Variants in DMD observed in about 807,000 individuals in gnomAD.
DMD encodes mutant dystrophin.
A neutral mutation model predicts 330.1 loss-of-function variants in DMD; 63 were observed. The observed-to-expected ratio is 0.19, with a 90% CI of 0.16 to 0.24. DMD has a LOEUF of 0.24. Ranked by LOEUF, DMD falls within the 10% of genes least tolerant of loss-of-function variation. The pLI is 1.00. For missense variants in DMD, 3,344 were observed against 2,684.1 expected, an observed-to-expected ratio of 1.25 and a Z score of -5.43; for synonymous variants, 1,223 against 959.8, an observed-to-expected ratio of 1.27 and a Z score of -5.07.
At chrX:32,508,801 T>A (rs767691955) in intron 18 of DMD, among the ~76,000 whole-genome samples, 1 of 111,052 alleles carries the variant, frequency 9.0e-6, no homozygotes, top group South Asian at 3.8e-4. Context: ...AAAAAGAAAT[T>A]TAGGAAACTT....
At chrX:32,599,130 T>C (rs2055897348) in intron 12 of DMD, among the ~76,000 whole-genome samples, 1 of 112,342 alleles carries the variant, frequency 8.9e-6, no homozygotes, top group Non-Finnish European at 1.9e-5. Flanking sequence ...ACAAAAGCTA[T>C]GGTAAAACAG....
chrX:31,777,474 AT>A (rs199905015), intron 50 of DMD, among the ~76,000 whole-genome samples: 12,472 of 101,586 alleles, frequency 0.12, 560 homozygotes, highest in East Asian at 0.19. Flanking sequence ...TTGCTCTATA[AT>A]TTTTTTTTTT....
Position 31,496,921 on chromosome X carries a change from T to A in DMD, c.8414A>T (p.Asp2805Val). ...NIRSHLEASS[D>V]QWKRLHLSLQ... ...AGAAAGGTGCAGACGCTTCCACTGG[T>A]CAGAACTGGCTTCCAAATGGGACCT... is the stretch of plus-strand genomic sequence containing the variant. The change falls in exon 57 of 79, where the codon GAC becomes GTC. Residue 2805 changes from aspartate to valine, a missense_variant. Physicochemically the swap from Asp to Val is radical, Grantham distance 152 (BLOSUM62 -3). Coordinates refer to ENST00000357033, the MANE Select transcript of DMD (RefSeq NM_004006.3). 1 of 1,209,884 alleles carries A rather than the reference T, an allele frequency of 8.3e-7. No individual in the cohort carries two copies. The highest frequency in any genetic ancestry group is 1.1e-6 in the Non-Finnish European group (1 of 894,464).
At chrX:32,662,402 G>C in intron 9 of DMD, among the ~76,000 whole-genome samples, 1 of 111,764 alleles carries the variant, frequency 8.9e-6, no homozygotes, top group Non-Finnish European at 1.9e-5. Context: ...AAGAGAAATC[G>C]TCACAAGTAT....
intron 2 of DMD, among the ~76,000 whole-genome samples, chrX:33,011,797 T>C (rs2093706594): frequency 8.9e-6 from 1 of 112,081 alleles, no homozygotes; most frequent in African/African-American, 3.2e-5. Context: ...CTAATGTCCA[T>C]GTATGTTGTT....
chrX:32,941,420 A>G (rs1340260294), intron 2 of DMD, among the ~76,000 whole-genome samples: 1 of 112,246 alleles, frequency 8.9e-6, no homozygotes, highest in Non-Finnish European at 1.9e-5. Flanking sequence ...TCATTGGTGG[A>G]CTGGATAAAG....
intron 55 of DMD, among the ~76,000 whole-genome samples, chrX:31,615,826 TAAAC>T (rs1401493234): frequency 8.9e-6 from 1 of 112,039 alleles, no homozygotes; most frequent in African/African-American, 3.2e-5. Context: ...GATAGTGAAA[TAAAC>T]AATACCAAAG....
In DMD at chrX:32,313,683, G is replaced by C. The variant is rs145111501; in HGVS notation, c.5923-3407C>G. Among the ~76,000 whole-genome samples the C allele has an allele frequency of 4.9e-3, 548 of 111,921 alleles. 12 individuals are homozygous for C. The East Asian group carries it at 0.083, about 17-fold the overall frequency. On this transcript the variant is annotated intron_variant, in intron 41 of 78. Transcript: ENST00000357033. ...TCTCAGCCCAAAAACTCTTTAAGCTGATAAGCAACTTCAGCAAAGTCTCAG... is the reference window on the plus strand; with the variant it reads ...TCTCAGCCCAAAAACTCTTTAAGCTCATAAGCAACTTCAGCAAAGTCTCAG...
intron 47 of DMD, among the ~76,000 whole-genome samples, chrX:31,891,504 A>G (rs1303084706): frequency 3.6e-5 from 4 of 111,696 alleles, no homozygotes; most frequent in Non-Finnish European, 7.5e-5. Flanking sequence ...ATGTCTTTGT[A>G]CAGTTTGAGA....
intron 7 of DMD, among the ~76,000 whole-genome samples, chrX:32,762,363 A>ATC (rs748913134): frequency 9.0e-6 from 1 of 110,760 alleles, no homozygotes; most frequent in African/African-American, 3.3e-5. Flanking sequence ...TTCACCTACC[A>ATC]TCTCTTCGGC....
At chrX:31,317,989 T>C in intron 62 of DMD, among the ~76,000 whole-genome samples, 1 of 112,116 alleles carries the variant, frequency 8.9e-6, no homozygotes, top group Non-Finnish European at 1.9e-5. Flanking sequence ...ATACAGGTAC[T>C]GAAATAGCAA....
At chrX:31,911,333 T>C (rs1345742038) in intron 47 of DMD, among the ~76,000 whole-genome samples, 1 of 112,371 alleles carries the variant, frequency 8.9e-6, no homozygotes, top group African/African-American at 3.2e-5. Context: ...TAATACTTAC[T>C]GATGTCTTAC....
intron 44 of DMD, among the ~76,000 whole-genome samples, chrX:32,211,684 T>A (rs2097094279): frequency 8.9e-6 from 1 of 112,076 alleles, no homozygotes; most frequent in African/African-American, 3.2e-5. Flanking sequence ...ACTGTTAATG[T>A]CTTAAGGTCG....
intron 52 of DMD, among the ~76,000 whole-genome samples, chrX:31,716,812 T>C (rs766196214): frequency 6.8e-4 from 70 of 102,665 alleles, no homozygotes; most frequent in Middle Eastern, 5.0e-3. Context: ...TCTACATGCA[T>C]GAGTATATAA....
intron 2 of DMD, among the ~76,000 whole-genome samples, chrX:32,959,876 A>C (rs2091806760): frequency 1.8e-5 from 2 of 111,909 alleles, no homozygotes; most frequent in African/African-American, 6.5e-5. Flanking sequence ...CTGTTCCAGG[A>C]AATAACTATG....
At chrX:31,843,793 T>C (rs1334300585) in intron 48 of DMD, among the ~76,000 whole-genome samples, 1 of 94,811 alleles carries the variant, frequency 1.1e-5, no homozygotes, top group Non-Finnish European at 2.1e-5. Flanking sequence ...TGAAGGCTGA[T>C]GTCCAGAATA....
At chrX:32,313,438 CA>C (rs1218468659) in intron 41 of DMD, among the ~76,000 whole-genome samples, 5 of 111,557 alleles carry the variant, frequency 4.5e-5, no homozygotes, top group African/African-American at 1.6e-4. Context: ...AACCCACAGC[CA>C]GTATCATACT....
chrX:31,259,695 C>G (rs2050318773), intron 63 of DMD, among the ~76,000 whole-genome samples: 2 of 111,394 alleles, frequency 1.8e-5, no homozygotes, highest in African/African-American at 6.5e-5. Context: ...GACATTTAAT[C>G]ATTTATAATT....
chrX:32,088,440 C>T (rs2147973285), intron 44 of DMD, among the ~76,000 whole-genome samples: 1 of 108,661 alleles, frequency 9.2e-6, no homozygotes, highest in Admixed American at 9.9e-5. Context: ...CTTTTTACCT[C>T]CAGCATATAT....
Sources: gnomAD v4.1 joint callset for allele counts (sites outside exome capture counted in the v4.1 genomes callset) on GRCh38, gnomAD v4.1.1 for gene constraint, MANE v1.5 for transcripts, NCBI Gene and HGNC (gene_info 2026-07-23, HGNC 2026-07-21) for gene names.